The following TMEM100 variants were observed in gnomAD, a reference collection of about 807,000 sequenced individuals.
TMEM100 encodes the protein transmembrane protein 100.
For synonymous variants in TMEM100, 61 were observed against 67.1 expected (o/e 0.91, Z 0.44); for missense variants, 137 against 168.2 (o/e 0.81, Z 1.02).
At chr17:55,723,706 G>A (rs1192944911), upstream of TMEM100, among the ~76,000 whole-genome samples, 1 of 152,066 alleles carries the variant, frequency 6.6e-6, no homozygotes, top group Non-Finnish European at 1.5e-5. Flanking sequence ...ATATCATTTG[G>A]GGAGATTGTT....
At chr17:55,729,129 A>T (rs1221281831) in intron 1 of TMEM100, among the ~76,000 whole-genome samples, 1 of 152,182 alleles carries the variant, frequency 6.6e-6, no homozygotes, top group Non-Finnish European at 1.5e-5. Flanking sequence ...CATTATAAAC[A>T]GTAGCCTGAC....
chr17:55,720,366 T>G lies in TMEM100; in HGVS notation c.*300A>C, dbSNP rs1007608471. The G allele has an allele frequency of 1.3e-5, 4 of 315,146 alleles. No homozygotes were observed. In the East Asian group the frequency reaches 2.1e-4, roughly 17 times the overall value. 19.5% of individuals were successfully genotyped at this position (315,146 alleles called of 1,614,324 possible). A position where few individuals can be genotyped will look rare whatever the true frequency, so the allele number is the denominator to read the frequency against. On this transcript the variant is annotated 3_prime_UTR_variant, in exon 2 of 2. Coordinates refer to ENST00000424486, the MANE Select transcript of TMEM100 (RefSeq NM_018286.3). ...TTGATTTTTCTCATCTTTTCTTGGC[T>G]ACTTTACAGGGTGAACCAAATACTG...
At chr17:55,726,014 A>C (rs1421262818), upstream of TMEM100, among the ~76,000 whole-genome samples, 1 of 152,150 alleles carries the variant, frequency 6.6e-6, no homozygotes, top group Admixed American at 6.5e-5. Flanking sequence ...AATAACATGC[A>C]GGTAATAAAA....
upstream of TMEM100, among the ~76,000 whole-genome samples, chr17:55,726,722 T>C (rs947475182): frequency 3.3e-5 from 5 of 152,172 alleles, no homozygotes; most frequent in African/African-American, 1.2e-4. Flanking sequence ...CCAGGTTTTC[T>C]CCTCTCTAAT....
chr17:55,728,148 A>G (rs1368560020), intron 1 of TMEM100, among the ~76,000 whole-genome samples: 2 of 152,186 alleles, frequency 1.3e-5, no homozygotes, highest in Non-Finnish European at 1.5e-5. Flanking sequence ...AACATGTACT[A>G]CCCATAACAC....
rs537920876 is a variant in TMEM100 at position 55,721,854 on chromosome 17, C to A, written c.-65-719G>T. On this transcript the variant is annotated intron_variant, in intron 1 of 1. Transcript: ENST00000424486. ...GAAAAAATAAGAAAAAAAAATTCAA[C>A]CCCTTCATAGGATATAATTTTGTGC... The A allele has an allele frequency of 3.3e-5, 5 of 152,276 alleles. 1 individual carries two copies. The South Asian group carries it at 1.0e-3, about 32-fold the overall frequency. The allele number at this position is 152,276 out of a possible 1,614,324, so 9.4% of individuals were successfully genotyped here.
At chr17:55,724,232 T>G (rs16956303), upstream of TMEM100, among the ~76,000 whole-genome samples, 2,843 of 152,298 alleles carry the variant, frequency 0.019, 92 homozygotes, top group African/African-American at 0.064. Context: ...CTCTCCAGCC[T>G]TGCCTTGTAG....
At chr17:55,721,857 C>A (rs775485693) in intron 1 of TMEM100, 2 of 152,160 alleles carry the variant, frequency 1.3e-5, no homozygotes, top group Non-Finnish European at 2.9e-5. Flanking sequence ...AATTCAACCC[C>A]TTCATAGGAT....
At chr17:55,721,461 C>G (rs924259641) in intron 1 of TMEM100, 2 of 177,094 alleles carry the variant, frequency 1.1e-5, no homozygotes, top group African/African-American at 4.7e-5. Flanking sequence ...GAATCCTAAT[C>G]CAAAGATGGT....
Position 55,720,636 on chromosome 17 carries a change from G to A in TMEM100, c.*30C>T. The A allele has an allele frequency of 6.4e-7, 1 of 1,557,464 alleles. No individual in the cohort carries two copies. Among genetic ancestry groups the A allele is most frequent in the Non-Finnish European group, 8.7e-7 (1 of 1,154,582 alleles). ...GACAAAGTCAGAGCACGTTTTCCAG[G>A]CCCAATGGCCCATTTGGTCGTATTC... On this transcript the variant is annotated 3_prime_UTR_variant, in exon 2 of 2. Coordinates refer to ENST00000424486, the MANE Select transcript of TMEM100 (RefSeq NM_018286.3).
intron 1 of TMEM100, among the ~76,000 whole-genome samples, chr17:55,730,117 C>G (rs1019208731): frequency 2.0e-5 from 3 of 152,190 alleles, no homozygotes; most frequent in African/African-American, 7.2e-5. Context: ...GCAATGGAAG[C>G]AAGCCTTTAT....
chr17:55,730,745 CTT>C (rs1909183997), intron 1 of TMEM100, among the ~76,000 whole-genome samples: 1 of 152,214 alleles, frequency 6.6e-6, no homozygotes, highest in Non-Finnish European at 1.5e-5. Flanking sequence ...AAACAGAACA[CTT>C]TGCCCAGCTG....
upstream of TMEM100, among the ~76,000 whole-genome samples, chr17:55,725,219 C>T (rs911850761): frequency 2.0e-5 from 3 of 152,106 alleles, no homozygotes; most frequent in African/African-American, 7.2e-5. Context: ...GTATTAAACA[C>T]CCCTGGGCAT....
chr17:55,729,878 A>G, intron 1 of TMEM100, among the ~76,000 whole-genome samples: 1 of 152,226 alleles, frequency 6.6e-6, no homozygotes, highest in Admixed American at 6.5e-5. Context: ...AGCACTACAT[A>G]GATATCTTCT....
Position 55,728,423 on chromosome 17 carries a change from C to T in TMEM100, c.-358-441G>A, listed in dbSNP as rs188773682. On this transcript the variant is annotated intron_variant, in intron 1 of 3. Coordinates refer to the TMEM100 transcript ENST00000575734. The stretch of plus-strand genomic sequence containing the variant: ...GCCATGTATTTTGCCTTGTATACAT[C>T]TGAGCATTAAAATAGAGCTGCATTA... Among the ~76,000 whole-genome samples the T allele has an allele frequency of 6.6e-5, 10 of 152,260 alleles. 1 individual carries two copies. The East Asian group carries it at 1.9e-3, about 29-fold the overall frequency.
At chr17:55,725,411 T>C (rs1182762957), upstream of TMEM100, among the ~76,000 whole-genome samples, 1 of 152,190 alleles carries the variant, frequency 6.6e-6, no homozygotes, top group Non-Finnish European at 1.5e-5. Context: ...GCATGAATTA[T>C]ATCTATGCCC....
At chr17:55,728,357 G>A (rs528797993) in intron 1 of TMEM100, among the ~76,000 whole-genome samples, 54 of 152,166 alleles carry the variant, frequency 3.5e-4, no homozygotes, top group Non-Finnish European at 6.9e-4. Flanking sequence ...TTTGGGAAAA[G>A]TGCTCTGAAA....
upstream of TMEM100, among the ~76,000 whole-genome samples, chr17:55,726,337 G>A (rs968681467): frequency 3.3e-5 from 5 of 152,070 alleles, no homozygotes; most frequent in Non-Finnish European, 7.4e-5. Flanking sequence ...GAGTGGAGGA[G>A]GGCAGGGAGC....
Position 55,722,716 on chromosome 17 carries a change from C to T in TMEM100, c.-163G>A, listed in dbSNP as rs1300045710. 6.6e-6 allele frequency: 1 copy of T among 152,180 alleles called. No homozygotes were observed. The highest frequency in any genetic ancestry group is 6.5e-5 in the Admixed American group (1 of 15,278). 9.4% of individuals were successfully genotyped at this position (152,180 alleles called of 1,614,324 possible). A position where few individuals can be genotyped will look rare whatever the true frequency, so the allele number is the denominator to read the frequency against. ...CTTCGTCCAACTTCTGGGAAAGAGCCTCTAACAGCAAGGCTGTCAATAAAA... is the reference window on the plus strand; with the variant it reads ...CTTCGTCCAACTTCTGGGAAAGAGCTTCTAACAGCAAGGCTGTCAATAAAA... On this transcript the variant is annotated 5_prime_UTR_variant, in exon 1 of 2. Coordinates refer to ENST00000424486, the MANE Select transcript of TMEM100 (RefSeq NM_018286.3).
Sources: gnomAD v4.1 joint callset for allele counts (sites outside exome capture counted in the v4.1 genomes callset) on GRCh38, gnomAD v4.1.1 for gene constraint, MANE v1.5 for transcripts, NCBI Gene and HGNC (gene_info 2026-07-23, HGNC 2026-07-21) for gene names.